The following DCHS1 variants were observed in gnomAD, a reference collection of about 807,000 sequenced individuals.
DCHS1 encodes protocadherin-16.
DCHS1 carries 78 observed loss-of-function variants against 213.9 expected under a neutral mutation model. The observed-to-expected ratio is 0.36, with a 90% confidence interval of 0.30 to 0.44. DCHS1 has a LOEUF of 0.44. DCHS1 is among the 20% of genes least tolerant of loss of function. The pLI is 1.00. For synonymous variants in DCHS1, 1,828 were observed against 1,873.7 expected (o/e 0.98, Z 0.63); for missense variants, 3,946 against 4,395.9 (o/e 0.90, Z 2.89).
chr11:6,646,642 A>G (rs552130414), intron 1 of DCHS1, among the ~76,000 whole-genome samples: 9 of 151,782 alleles, frequency 5.9e-5, no homozygotes, highest in Non-Finnish European at 1.3e-4. Context: ...CTCCCACCTG[A>G]TTCTGCCTTG....
Position 6,624,880 on chromosome 11 carries a change from G to A in DCHS1, c.7147-12C>T, listed in dbSNP as rs1245834906. 8 of 1,613,302 alleles carry A rather than the reference G, an allele frequency of 5.0e-6. No individual in the cohort carries two copies. The African/African-American group carries it at 9.3e-5, about 19-fold the overall frequency. On this transcript the variant is annotated splice_polypyrimidine_tract_variant and intron_variant, in intron 19 of 20. Transcript: ENST00000299441. ...TCAAGCAGCATTACCTGAAGTGTGA[G>A]GAAAAGTGCTTATTGCCAGGCTTCC...
At chr11:6,631,854 C>T (rs373965759) in intron 6 of DCHS1, 45 bp from the exon 7 acceptor site, 2 of 1,493,714 alleles carry the variant, frequency 1.3e-6, no homozygotes, top group African/African-American at 1.4e-5. Context: ...TTTAAGGATG[C>T]AGAGCCTGAG....
Position 6,632,055 on chromosome 11 carries a change from C to T in DCHS1, c.3457G>A (p.Ala1153Thr). The change falls in exon 6 of 21, where the codon GCC becomes ACC. Residue 1153 changes from alanine (A) to threonine (T), a missense_variant. Ala to Thr is a moderately conservative substitution (Grantham distance 58). This residue lies in a region of DCHS1 where 3,384 missense variants were observed against 3,780.1 expected (regional missense o/e 0.90). Transcript: ENST00000299441. This position sits in a 1 kb window ranked among gnomAD's most constrained non-coding sequence, Gnocchi z 5.9. ...CCAGTCTGGGGGTGGATGCGGAAGG[C>T]CTTGCTGTCTTCAGACAGCTGTTGC... ...SLQQLSEDSKAFRIHPQTGEV... is the reference protein window; with the variant it reads ...SLQQLSEDSKTFRIHPQTGEV... 1 of 1,522,942 alleles carries T rather than the reference C, an allele frequency of 6.6e-7. No individual in the cohort carries two copies. Among genetic ancestry groups the T allele is most frequent in the Non-Finnish European group, 8.8e-7 (1 of 1,135,556 alleles). 94.3% of individuals were successfully genotyped at this position (1,522,942 alleles called of 1,614,324 possible).
In DCHS1 at chr11:6,630,119, G is replaced by A. The variant is rs1855876193; in HGVS notation, c.4675C>T (p.Pro1559Ser). 6.2e-7 allele frequency: 1 copy of A among 1,604,856 alleles called. No homozygotes were observed. The highest frequency in any genetic ancestry group is 1.3e-5 in the African/African-American group (1 of 74,792). The change falls in exon 10 of 21, where the codon CCG becomes TCG. Residue 1559 changes from proline (P) to serine (S), a missense_variant. Around this residue, in one of 3 missense-constraint regions of DCHS1, gnomAD observed 3,384 missense variants for 3,780.1 expected, o/e 0.90. Transcript: ENST00000299441. ...PSRVRLPEDQPPGPAALHVVA... is the reference protein window; with the variant it reads ...PSRVRLPEDQSPGPAALHVVA... ...ACGTGCAGGGCCGCGGGCCCAGGCGGCTGGTCCTCTGGGAGGCGCACGCGT... is the reference window on the plus strand; with the variant it reads ...ACGTGCAGGGCCGCGGGCCCAGGCGACTGGTCCTCTGGGAGGCGCACGCGT...
chr11:6,652,828 G>A (rs748214314), intron 1 of DCHS1, among the ~76,000 whole-genome samples: 2 of 152,134 alleles, frequency 1.3e-5, no homozygotes, highest in Non-Finnish European at 2.9e-5. Flanking sequence ...ACCCCACCAT[G>A]TCTGCTTTGT....
rs1167288739 is a variant in DCHS1, at chr11:6,621,627, G to A, written c.*152C>T. 4 of 867,474 alleles carry A rather than the reference G, an allele frequency of 4.6e-6. No individual in the cohort carries two copies. The highest frequency in any genetic ancestry group is 2.0e-5 in the Admixed American group (1 of 50,170). The allele number at this position is 867,474 out of a possible 1,614,324, so 53.7% of individuals were successfully genotyped here. On this transcript the variant is annotated 3_prime_UTR_variant, in exon 21 of 21. Coordinates refer to ENST00000299441, the MANE Select transcript of DCHS1 (RefSeq NM_003737.4). ...GGCTTCTGTGGTCCTAGTACTCTGAGGGGGCTGGGGAGTTCAGGGTGGAGA... is the reference window on the plus strand; with the variant it reads ...GGCTTCTGTGGTCCTAGTACTCTGAAGGGGCTGGGGAGTTCAGGGTGGAGA...
At position 6,626,873 on chromosome 11, in the gene DCHS1, C is replaced by T; in HGVS notation, c.6166G>A (p.Val2056Ile). Residue 2056 changes from valine to isoleucine, a missense_variant, in exon 14 of 21, where the codon GTT becomes ATT. Val to Ile is a conservative substitution (Grantham distance 29). Coordinates refer to ENST00000299441, the MANE Select transcript of DCHS1 (RefSeq NM_003737.4). This position sits in a 1 kb window ranked among gnomAD's most constrained non-coding sequence, Gnocchi z 5.2. ...CGCTCAGCTTCCCCCTGCAGTCCAA[C>T]AATGATCACACCAGTGGCAGAGCGA... is the stretch of plus-strand genomic sequence containing the variant. ...PARSATGVIIVGLQGEAERGP... is the reference protein window; with the variant it reads ...PARSATGVIIIGLQGEAERGP... 3.1e-6 allele frequency: 5 copies of T among 1,613,570 alleles called. No homozygotes were observed. Among genetic ancestry groups the T allele is most frequent in the Non-Finnish European group, 4.2e-6 (5 of 1,179,888 alleles).
rs140469023 is a variant in DCHS1 at position 6,628,664 on chromosome 11, A to T, written c.5328T>A (p.Asp1776Glu). The change falls in exon 13 of 21, where the codon GAT becomes GAA. Residue 1776 changes from aspartate to glutamate, a missense_variant. Asp to Glu is a conservative substitution (Grantham distance 45, BLOSUM62 2). Coordinates refer to ENST00000299441, the MANE Select transcript of DCHS1 (RefSeq NM_003737.4). The surrounding 1 kb of genome is among the most constrained non-coding windows in gnomAD (Gnocchi z 4.3). Reference sequence around the variant, plus strand: ...ACTGCCCATTGGCTCCCACATCTGGATCAGAGGCCCGAAGCATGGTAAGGG... The same window carrying T: ...ACTGCCCATTGGCTCCCACATCTGGTTCAGAGGCCCGAAGCATGGTAAGGG... ...PQTLTMLRAS[D>E]PDVGANGQLQ... 524 of 1,613,878 alleles carry T rather than the reference A, an allele frequency of 3.2e-4. 2 individuals carry two copies. Among genetic ancestry groups the T allele is most frequent in the Non-Finnish European group, 3.5e-5 (41 of 1,179,892 alleles).
intron 1 of DCHS1, among the ~76,000 whole-genome samples, chr11:6,652,477 G>A (rs745692329): frequency 4.6e-5 from 7 of 152,232 alleles, no homozygotes; most frequent in Non-Finnish European, 8.8e-5. Flanking sequence ...GTATTACAGG[G>A]TTAAAGAAAG....
At chr11:6,653,987 G>A (rs1856281410) in intron 1 of DCHS1, among the ~76,000 whole-genome samples, 1 of 152,006 alleles carries the variant, frequency 6.6e-6, no homozygotes, top group South Asian at 2.1e-4. Context: ...GGTCCTGGGA[G>A]GGAGGAAGGT....
In DCHS1 at chr11:6,621,678, G is replaced by A. The variant is rs762136959; in HGVS notation, c.*101C>T. ...GCTGGGGCCTGGTGGTGGCCTCCCCGTAGCCAGTCATAGTCCGAGGCTGCC... is the reference window on the plus strand; with the variant it reads ...GCTGGGGCCTGGTGGTGGCCTCCCCATAGCCAGTCATAGTCCGAGGCTGCC... On this transcript the variant is annotated 3_prime_UTR_variant, in exon 21 of 21. Transcript: ENST00000299441. The A allele has an allele frequency of 4.1e-5, 57 of 1,396,502 alleles. No individual in the cohort carries two copies. Among genetic ancestry groups the A allele is most frequent in the East Asian group, 5.0e-5 (2 of 40,224 alleles). 86.5% of individuals were successfully genotyped at this position (1,396,502 alleles called of 1,614,324 possible). A position where few individuals can be genotyped will look rare whatever the true frequency, so the allele number is the denominator to read the frequency against.
At chr11:6,629,087 G>A in intron 12 of DCHS1, among the ~76,000 whole-genome samples, 1 of 152,178 alleles carries the variant, frequency 6.6e-6, no homozygotes, top group Non-Finnish European at 1.5e-5. Context: ...GAAAAGATCT[G>A]GGTTCAAGTC....
At position 6,621,822 on chromosome 11, in the gene DCHS1, T is replaced by G. The variant is rs767999755; in HGVS notation, c.9854A>C (p.Glu3285Ala). ...QGPSASALSAESGLEPPDDTE... is the reference protein window; with the variant it reads ...QGPSASALSAASGLEPPDDTE... The stretch of plus-strand genomic sequence containing the variant: ...GTCATCAGGTGGCTCCAGGCCAGAC[T>G]CTGCGCTGAGTGCTGAGGCTGAGGG... The change falls in exon 21 of 21, where the codon GAG (glutamate) becomes GCG (alanine). Residue 3285 changes from glutamate to alanine, a missense_variant. Coordinates refer to ENST00000299441, the MANE Select transcript of DCHS1 (RefSeq NM_003737.4). The G allele has an allele frequency of 6.2e-7, 1 of 1,607,182 alleles. No homozygotes were observed. The highest frequency in any genetic ancestry group is 8.5e-7 in the Non-Finnish European group (1 of 1,177,222).
rs751475987 is a variant in DCHS1, at chr11:6,629,737, A to T, written c.4970T>A (p.Leu1657His). The T allele has an allele frequency of 3.1e-6, 5 of 1,613,922 alleles. No homozygotes were observed. In the East Asian group the frequency reaches 1.1e-4, roughly 36 times the overall value. Residue 1657 changes from leucine to histidine, a missense_variant, in exon 11 of 21, where the codon CTC becomes CAC. Physicochemically the swap from Leu to His is moderately conservative, Grantham distance 99. Coordinates refer to ENST00000299441, the MANE Select transcript of DCHS1 (RefSeq NM_003737.4). The stretch of plus-strand genomic sequence containing the variant: ...GCCAGGAGGGTTGTTCTCACGCAAG[A>T]GGACGCTGTACTCCTGCTGCTGGAA... ...PTFQQQEYSV[L>H]LRENNPPGTS...
At chr11:6,643,448 G>A (rs993378156) in intron 1 of DCHS1, among the ~76,000 whole-genome samples, 4 of 151,904 alleles carry the variant, frequency 2.6e-5, no homozygotes, top group East Asian at 3.8e-4. Context: ...TCCTTTTATC[G>A]GGTTATTCTG....
In DCHS1 at chr11:6,626,445, A is replaced by G; in HGVS notation, c.6365-65T>C. 6 of 1,604,274 alleles carry G rather than the reference A, an allele frequency of 3.7e-6. No homozygotes were observed. The highest frequency in any genetic ancestry group is 1.1e-5 in the South Asian group (1 of 90,324). ...TTGCCCTGGAGCCTCCTTCTCTAAG[A>G]CCCCTTACTCAAGGACAGCCCTTCA... On this transcript the variant is annotated intron_variant, in intron 15 of 20. Coordinates refer to ENST00000299441, the MANE Select transcript of DCHS1 (RefSeq NM_003737.4). The surrounding 1 kb of genome is among the most constrained non-coding windows in gnomAD (Gnocchi z 5.2).
chr11:6,626,467 T>C lies in DCHS1; in HGVS notation c.6364+85A>G. The C allele has an allele frequency of 6.2e-7, 1 of 1,604,142 alleles. No homozygotes were observed. Among genetic ancestry groups the C allele is most frequent in the Non-Finnish European group, 8.5e-7 (1 of 1,172,806 alleles). ...AAGACCCCTTACTCAAGGACAGCCC[T>C]TCACCCATCAAAGGCTCCTCTGATG... On this transcript the variant is annotated intron_variant, in intron 15 of 20. Coordinates refer to ENST00000299441, the MANE Select transcript of DCHS1 (RefSeq NM_003737.4). The surrounding 1 kb of genome is among the most constrained non-coding windows in gnomAD (Gnocchi z 5.2).
chr11:6,623,792 G>A lies in DCHS1; in HGVS notation c.7884C>T (p.Asp2628=), dbSNP rs144013958. The change falls in exon 21 of 21, where the codon GAC becomes GAT. Residue 2628 remains aspartate (D), a synonymous_variant. Transcript: ENST00000299441. ...CGAGGCCATGAGGGCCAGGGTCAGCGTCAGAGGCCTCTACATGCAGCAGCT... is the reference window on the plus strand; with the variant it reads ...CGAGGCCATGAGGGCCAGGGTCAGCATCAGAGGCCTCTACATGCAGCAGCT... The part of the protein sequence containing the change: ...GAELLHVEAS[D]ADPGPHGLVR... 88 of 1,613,870 alleles carry A rather than the reference G, an allele frequency of 5.5e-5. No individual in the cohort carries two copies. The highest frequency in any genetic ancestry group is 4.0e-5 in the African/African-American group (3 of 74,948).
At chr11:6,639,309 C>T (rs72911040) in intron 2 of DCHS1, among the ~76,000 whole-genome samples, 1,808 of 152,258 alleles carry the variant, frequency 0.012, 16 homozygotes, top group Non-Finnish European at 0.018. Context: ...CCCTGAGAGG[C>T]CTTCCTGCTC....
Sources: gnomAD v4.1 joint callset for allele counts (sites outside exome capture counted in the v4.1 genomes callset) on GRCh38, gnomAD v4.1.1 for gene constraint, gnomAD v4.1.1 regional missense constraint, Gnocchi (gnomAD v3.1) non-coding constraint, MANE v1.5 for transcripts, NCBI Gene and HGNC (gene_info 2026-07-23, HGNC 2026-07-21) for gene names.